Variants in PDE11A observed in about 807,000 individuals in gnomAD.
PDE11A encodes the protein phosphodiesterase 11A, also known as dual 3',5'-cyclic-AMP and -GMP phosphodiesterase 11A.
In PDE11A, 100 loss-of-function variants were observed where a neutral mutation model predicts 100.5. That is an observed-to-expected ratio of 1.00 (90% CI 0.85 to 1.18). PDE11A has a LOEUF of 1.18. Ranked by LOEUF, PDE11A falls within the 50% of genes most tolerant of loss-of-function variation. PDE11A has a pLI of 0.00. For missense variants in PDE11A, 1,141 were observed against 1,152.6 expected (o/e 0.99, Z 0.15); for synonymous variants, 381 against 420.8 (o/e 0.91, Z 1.16).
chr2:177,631,646 T>C (rs2079949871), intron 19 of PDE11A, among the ~76,000 whole-genome samples: 1 of 138,862 alleles, frequency 7.2e-6, no homozygotes. Context: ...TATACATATA[T>C]ATGTGTGTGT....
intron 6 of PDE11A, among the ~76,000 whole-genome samples, chr2:177,837,684 A>C (rs931926950): frequency 2.4e-4 from 36 of 151,978 alleles, no homozygotes; most frequent in Non-Finnish European, 4.7e-4. Context: ...CCCTTCTCTG[A>C]GCTACCCTTA....
intron 2 of PDE11A, among the ~76,000 whole-genome samples, chr2:177,983,760 T>C (rs966433): frequency 0.5 from 76,002 of 152,058 alleles, 21,936 homozygotes; most frequent in African/African-American, 0.8. Context: ...AACTGCAAGA[T>C]AGCCAGAAAA....
At chr2:177,684,027 A>C (rs1048186125) in intron 15 of PDE11A, among the ~76,000 whole-genome samples, 2 of 152,246 alleles carry the variant, frequency 1.3e-5, no homozygotes, top group Non-Finnish European at 2.9e-5. Context: ...TATTACTGCC[A>C]ACAATAATAC....
intron 6 of PDE11A, among the ~76,000 whole-genome samples, chr2:177,826,222 A>G (rs1439219710): frequency 6.6e-6 from 1 of 152,232 alleles, no homozygotes; most frequent in Admixed American, 6.5e-5. Context: ...GGCCTTTCCA[A>G]TTAATGGATC....
At chr2:178,062,533 A>C (rs568502110) in intron 1 of PDE11A, among the ~76,000 whole-genome samples, 1 of 152,222 alleles carries the variant, frequency 6.6e-6, no homozygotes, top group East Asian at 1.9e-4. Flanking sequence ...AAGAACAAAA[A>C]TCTGGACTGG....
At chr2:177,741,937 T>C (rs961045337) in intron 10 of PDE11A, among the ~76,000 whole-genome samples, 3 of 150,114 alleles carry the variant, frequency 2.0e-5, no homozygotes, top group Non-Finnish European at 4.4e-5. Flanking sequence ...GAGGCTGAGG[T>C]GGGAGGATTG....
intron 1 of PDE11A, among the ~76,000 whole-genome samples, chr2:178,021,783 G>GA (rs142897798): frequency 6.6e-6 from 1 of 152,082 alleles, no homozygotes. Context: ...GAATTATCCA[G>GA]AAAAAAAGGA....
intron 13 of PDE11A, among the ~76,000 whole-genome samples, chr2:177,708,195 A>G (rs1268788779): frequency 6.6e-6 from 1 of 151,254 alleles, no homozygotes; most frequent in Non-Finnish European, 1.5e-5. Flanking sequence ...AGCTCTATTC[A>G]CAATAGCAAA....
chr2:177,836,587 C>T (rs917299420), intron 6 of PDE11A, among the ~76,000 whole-genome samples: 11 of 152,288 alleles, frequency 7.2e-5, no homozygotes, highest in Admixed American at 1.3e-4. Flanking sequence ...AGTGGCAACC[C>T]GCTTGGGTTC....
intron 17 of PDE11A, among the ~76,000 whole-genome samples, chr2:177,675,103 T>C (rs1163413471): frequency 6.6e-6 from 1 of 150,556 alleles, no homozygotes; most frequent in Non-Finnish European, 1.5e-5. Context: ...TTTTCAGATA[T>C]TAAAAAAAAA....
intron 2 of PDE11A, among the ~76,000 whole-genome samples, chr2:177,965,056 G>A (rs1353240545): frequency 6.6e-6 from 1 of 151,968 alleles, no homozygotes; most frequent in Non-Finnish European, 1.5e-5. Flanking sequence ...GTTTTAATAG[G>A]AGCCATTCTG....
intron 2 of PDE11A, chr2:177,997,368 G>T (rs552344348): frequency 8.4e-6 from 7 of 837,952 alleles, no homozygotes; most frequent in East Asian, 2.4e-5. Flanking sequence ...GATTTCTGGG[G>T]TGGTGAACCT....
Position 177,957,910 on chromosome 2 carries a change from C to CTTTTTTTTTTTTT in PDE11A, c.1072-52724_1072-52723insAAAAAAAAAAAAA, listed in dbSNP as rs748839068. ...TCCTTTACCTTTGTTTTTCCAATGC[C>CTTTTTTTTTTTTT]TTTTTTTTGAGACGGAGTCTCTTGC... On this transcript the variant is annotated intron_variant, in intron 2 of 19. Coordinates refer to ENST00000286063, the MANE Select transcript of PDE11A (RefSeq NM_016953.4). Among the ~76,000 whole-genome samples, 9 of 114,472 alleles carry CTTTTTTTTTTTTT rather than the reference C, an allele frequency of 7.9e-5. 3 individuals are homozygous for CTTTTTTTTTTTTT. Among genetic ancestry groups the CTTTTTTTTTTTTT allele is most frequent in the Non-Finnish European group, 1.2e-4 (7 of 58,376 alleles). The allele number at this position is 114,472 out of a possible 152,430, so 75.1% of individuals were successfully genotyped here. A position where few individuals can be genotyped will look rare whatever the true frequency, so the allele number is the denominator to read the frequency against.
At chr2:177,911,841 G>A (rs1318414102) in intron 2 of PDE11A, among the ~76,000 whole-genome samples, 3 of 151,382 alleles carry the variant, frequency 2.0e-5, no homozygotes, top group Non-Finnish European at 4.4e-5. Context: ...CTGAGATTGT[G>A]CCACTGCACT....
chr2:177,648,990 G>T (rs58287062), intron 19 of PDE11A, among the ~76,000 whole-genome samples: 2 of 151,874 alleles, frequency 1.3e-5, no homozygotes, highest in Admixed American at 1.3e-4. Flanking sequence ...AATACAAATG[G>T]CTTCTAAGTA....
chr2:177,832,106 C>T (rs2083319843), intron 6 of PDE11A, among the ~76,000 whole-genome samples: 3 of 152,148 alleles, frequency 2.0e-5, no homozygotes, highest in Admixed American at 2.0e-4. Context: ...TGGCCACAGC[C>T]AGTGCCAACA....
intron 10 of PDE11A, among the ~76,000 whole-genome samples, chr2:177,752,478 G>T (rs2082037993): frequency 6.6e-6 from 1 of 152,060 alleles, no homozygotes; most frequent in Non-Finnish European, 1.5e-5. Flanking sequence ...AATAACATTT[G>T]TCTCATAGAG....
intron 5 of PDE11A, among the ~76,000 whole-genome samples, chr2:177,866,655 T>G (rs1335229421): frequency 6.6e-6 from 1 of 152,256 alleles, no homozygotes; most frequent in Non-Finnish European, 1.5e-5. Context: ...TGAATGTGTC[T>G]GCATGTGTCT....
intron 13 of PDE11A, 113 bp downstream of exon 13, chr2:177,711,656 A>G: frequency 1.4e-6 from 1 of 722,240 alleles, no homozygotes; most frequent in African/African-American, 1.7e-5. Flanking sequence ...CCAAGCCTGC[A>G]TGGCCTTGGC....
Sources: gnomAD v4.1 joint callset for allele counts (sites outside exome capture counted in the v4.1 genomes callset) on GRCh38, gnomAD v4.1.1 for gene constraint, MANE v1.5 for transcripts, NCBI Gene and HGNC (gene_info 2026-07-23, HGNC 2026-07-21) for gene names.